Variants in ARFGEF3 observed in about 807,000 individuals in gnomAD.
ARFGEF3 encodes ARFGEF family member 3, also known as brefeldin A-inhibited guanine nucleotide-exchange protein 3.
Under a neutral mutation model 221.7 loss-of-function variants are expected in ARFGEF3, and 96 were observed. The ratio of observed to expected loss-of-function variants is 0.43; its 90% confidence interval spans 0.37 to 0.51. The LOEUF is 0.51. Ranked by LOEUF, ARFGEF3 falls within the 20% of genes least tolerant of loss-of-function variation. ARFGEF3 has a pLI of 0.00. For synonymous variants in ARFGEF3, 1,145 were observed against 1,126.8 expected (o/e 1.02, Z -0.32); for missense variants, 2,410 against 2,789.9 (o/e 0.86, Z 3.07).
intron 4 of ARFGEF3, among the ~76,000 whole-genome samples, chr6:138,214,677 G>A (rs1400611375): frequency 1.3e-5 from 2 of 152,150 alleles, no homozygotes; most frequent in African/African-American, 4.8e-5. Context: ...AAATAATATA[G>A]TTTCCTTTTT....
intron 22 of ARFGEF3, among the ~76,000 whole-genome samples, chr6:138,301,994 G>A (rs1295057197): frequency 6.6e-6 from 1 of 151,750 alleles, no homozygotes; most frequent in Non-Finnish European, 1.5e-5. Context: ...AGTCTGGGGG[G>A]AAAAAAACCC....
chr6:138,189,438 A>G (rs1469509859), intron 2 of ARFGEF3, among the ~76,000 whole-genome samples: 1 of 152,238 alleles, frequency 6.6e-6, no homozygotes, highest in African/African-American at 2.4e-5. Context: ...GTTAAAATCT[A>G]AACTCTAACC....
At chr6:138,315,430 G>C (rs1201050751) in intron 26 of ARFGEF3, among the ~76,000 whole-genome samples, 1 of 152,158 alleles carries the variant, frequency 6.6e-6, no homozygotes, top group Non-Finnish European at 1.5e-5. Context: ...TCTGGGTATA[G>C]GTTATTTCAA....
chr6:138,188,545 A>G (rs995496769), intron 2 of ARFGEF3, among the ~76,000 whole-genome samples: 1 of 152,184 alleles, frequency 6.6e-6, no homozygotes, highest in African/African-American at 2.4e-5. Context: ...ATGCATTTAT[A>G]TGGTAGACTT....
Position 138,324,146 on chromosome 6 carries a change from GC to G in ARFGEF3, c.4996del (p.Gln1666SerfsTer51). On this transcript the variant is annotated frameshift_variant, in exon 31 of 34. Coordinates refer to ENST00000251691, the MANE Select transcript of ARFGEF3 (RefSeq NM_020340.5). LOFTEE classifies it high-confidence loss of function. ...CGAGTACTGGCGCATCCGAGCCATG[GC>G]CCAGCAGGTAAGGGCAGGGGCTTTT... ...EAEYWRIRAM[A>X]QQVFMLDTQC... is the part of the protein sequence containing the mutation. The G allele has an allele frequency of 6.2e-7, 1 of 1,613,532 alleles. No individual in the cohort carries two copies. Among genetic ancestry groups the G allele is most frequent in the Non-Finnish European group, 8.5e-7 (1 of 1,179,646 alleles).
At chr6:138,330,838 T>C (rs1403247255) in intron 32 of ARFGEF3, among the ~76,000 whole-genome samples, 1 of 152,178 alleles carries the variant, frequency 6.6e-6, no homozygotes, top group Non-Finnish European at 1.5e-5. Flanking sequence ...AAAAAGTAAA[T>C]GTGAACCTGT....
At chr6:138,213,212 C>G (rs973562524) in intron 4 of ARFGEF3, among the ~76,000 whole-genome samples, 2 of 149,608 alleles carry the variant, frequency 1.3e-5, no homozygotes, top group African/African-American at 5.0e-5. Flanking sequence ...GGCATGAATC[C>G]GGGAGGCAGA....
At chr6:138,260,748 A>T (rs1244444041) in intron 10 of ARFGEF3, among the ~76,000 whole-genome samples, 1 of 152,188 alleles carries the variant, frequency 6.6e-6, no homozygotes, top group African/African-American at 2.4e-5. Flanking sequence ...GATTAAGAAA[A>T]TTGAAAAACT....
At position 138,334,342 on chromosome 6, in the gene ARFGEF3, C is replaced by T. The variant is rs1562220101; in HGVS notation, c.5496C>T (p.Ile1832=). 1 of 1,613,768 alleles carries T rather than the reference C, an allele frequency of 6.2e-7. No homozygotes were observed. Among genetic ancestry groups the T allele is most frequent in the Non-Finnish European group, 8.5e-7 (1 of 1,179,876 alleles). Residue 1832 remains isoleucine, a synonymous_variant, in exon 33 of 34, where the codon ATC becomes ATT. Transcript: ENST00000251691. The surrounding 1 kb of genome is among the most constrained non-coding windows in gnomAD (Gnocchi z 5.1). ...CTGTTCTCACCAATCAAGAAACCAT[C>T]ACGGCCGAGCAAGTGAAGAAGGTCC... ...VCAVLTNQET[I]TAEQVKKVLF...
At chr6:138,222,976 G>A (rs1312581157) in intron 4 of ARFGEF3, among the ~76,000 whole-genome samples, 1 of 152,094 alleles carries the variant, frequency 6.6e-6, no homozygotes, top group East Asian at 1.9e-4. Flanking sequence ...TTTACTCTGT[G>A]ACTCCATCCC....
intron 4 of ARFGEF3, chr6:138,218,145 A>C (rs781625357): frequency 6.2e-7 from 1 of 1,613,984 alleles, no homozygotes; most frequent in South Asian, 1.1e-5. Context: ...GTGTGTCTGC[A>C]AGGGTGTGAG....
At chr6:138,282,148 T>C (rs936260856) in intron 14 of ARFGEF3, among the ~76,000 whole-genome samples, 2 of 152,110 alleles carry the variant, frequency 1.3e-5, no homozygotes, top group African/African-American at 4.8e-5. Flanking sequence ...ATAGATGGGG[T>C]TTCACCATGT....
chr6:138,287,016 T>C, intron 16 of ARFGEF3, 58 bp from the exon 17 acceptor site: 1 of 1,561,192 alleles, frequency 6.4e-7, no homozygotes, highest in Non-Finnish European at 8.7e-7. Flanking sequence ...GGGGTTCTGC[T>C]AGGTGAATGG....
Position 138,298,662 on chromosome 6 carries a change from C to T in ARFGEF3, c.3705C>T (p.Asp1235=), listed in dbSNP as rs758747339. The change falls in exon 22 of 34, where the codon GAC becomes GAT. Residue 1235 remains aspartate, a synonymous_variant. Transcript: ENST00000251691. ...VSQKAVSFIH[D]ILTEVLTDWN... ...AGAAGGCTGTTTCCTTCATCCATGA[C>T]ATACTGACAGAAGTCCTCACTGACT... 3.4e-5 allele frequency: 55 copies of T among 1,613,466 alleles called. No individual in the cohort carries two copies. Among genetic ancestry groups the T allele is most frequent in the Non-Finnish European group, 4.3e-5 (51 of 1,179,720 alleles).
chr6:138,182,078 G>A lies in ARFGEF3; in HGVS notation c.137+11365G>A, dbSNP rs548717028. Among the ~76,000 whole-genome samples, 6 of 152,204 alleles carry A rather than the reference G, an allele frequency of 3.9e-5. No individual in the cohort carries two copies. The South Asian group carries it at 1.2e-3, about 32-fold the overall frequency. On this transcript the variant is annotated intron_variant, in intron 2 of 33. Coordinates refer to ENST00000251691, the MANE Select transcript of ARFGEF3 (RefSeq NM_020340.5). ...TTTTCTTGGAAACCTTTGTTTCCAA[G>A]TGCTGGTCCCACTTAATCTTGACAG...
At chr6:138,215,914 G>T in intron 4 of ARFGEF3, 1 of 82,920 alleles carries the variant, frequency 1.2e-5, no homozygotes, top group Non-Finnish European at 2.2e-5. Context: ...GAGAGAGAGT[G>T]TTGGGGAAAG....
At chr6:138,185,474 C>T (rs561010113) in intron 2 of ARFGEF3, among the ~76,000 whole-genome samples, 59 of 152,290 alleles carry the variant, frequency 3.9e-4, no homozygotes, top group African/African-American at 1.4e-3. Context: ...GGAGGATAGC[C>T]CCGGCATGTG....
intron 1 of ARFGEF3, among the ~76,000 whole-genome samples, chr6:138,163,005 C>G (rs1039224086): frequency 6.6e-6 from 1 of 152,184 alleles, no homozygotes; most frequent in South Asian, 2.1e-4. Flanking sequence ...CTTGCTGGAG[C>G]CTGATGTGAT....
intron 25 of ARFGEF3, among the ~76,000 whole-genome samples, 157 bp downstream of exon 25, chr6:138,311,667 C>CT (rs199527133): frequency 0.031 from 4,671 of 152,266 alleles, 226 homozygotes; most frequent in African/African-American, 0.11. Flanking sequence ...TTTGTCCCTC[C>CT]TTTTTCCATG....
Sources: gnomAD v4.1 joint callset for allele counts (sites outside exome capture counted in the v4.1 genomes callset) on GRCh38, gnomAD v4.1.1 for gene constraint, Gnocchi (gnomAD v3.1) non-coding constraint, MANE v1.5 for transcripts, NCBI Gene and HGNC (gene_info 2026-07-23, HGNC 2026-07-21) for gene names.